NLRP9: variants seen among roughly 807,000 people sequenced by gnomAD.
The protein encoded by NLRP9 is NLR family pyrin domain containing 9.
In NLRP9, 88 loss-of-function variants were observed where a neutral mutation model predicts 83.1. That is an observed-to-expected ratio of 1.06 (90% confidence interval 0.89 to 1.26). NLRP9 has a LOEUF of 1.26. NLRP9 is among the 50% of genes most tolerant of loss of function. The probability of loss-of-function intolerance (pLI) is 0.00; values close to 1 mark genes in which losing one functional copy is unlikely to be tolerated. For synonymous variants in NLRP9, 521 were observed against 447.6 expected (o/e 1.16, Z -2.07); for missense variants, 1,308 against 1,179.3 (o/e 1.11, Z -1.60).
Position 55,733,498 on chromosome 19 carries a change from C to CCATATGAGT in NLRP9, c.324_332dup (p.Ile110_Trp111insTer). ...GGACGTGAAGACAGGTTTCCTTCTC[C>CCATATGAGT]CATATGAGTTGAAATGTTTCCTTCA... On this transcript the variant is annotated stop_gained, in exon 2 of 9. Transcript: ENST00000332836. LOFTEE classifies it high-confidence loss of function. The CCATATGAGT allele has an allele frequency of 1.2e-6, 2 of 1,610,952 alleles. No individual in the cohort carries two copies.
intron 8 of NLRP9, among the ~76,000 whole-genome samples, chr19:55,711,174 T>TAC (rs1987704084): frequency 6.6e-6 from 1 of 152,090 alleles, no homozygotes; most frequent in Admixed American, 6.6e-5. Flanking sequence ...TGAATTCATG[T>TAC]ACTCATCACC....
intron 8 of NLRP9, among the ~76,000 whole-genome samples, chr19:55,710,170 A>G (rs1987651569): frequency 6.6e-6 from 1 of 152,130 alleles, no homozygotes; most frequent in Admixed American, 6.6e-5. Context: ...TACTGTGGAG[A>G]TGACATGTTT....
Position 55,712,605 on chromosome 19 carries a change from G to C in NLRP9, c.2502-15C>G. 1 of 1,610,104 alleles carries C rather than the reference G, an allele frequency of 6.2e-7. No homozygotes were observed. Among genetic ancestry groups the C allele is most frequent in the South Asian group, 1.1e-5 (1 of 90,948 alleles). ...AGCCCATCAACCTGGGGAGGTGGAA[G>C]ACACACAAATACGTACACTTATGAG... On this transcript the variant is annotated splice_polypyrimidine_tract_variant and intron_variant, in intron 6 of 8. Coordinates refer to ENST00000332836, the MANE Select transcript of NLRP9 (RefSeq NM_176820.4).
In NLRP9 at chr19:55,724,240, C is replaced by T. The variant is rs1050884213; in HGVS notation, c.1995-96G>A. 1.2e-5 allele frequency: 9 copies of T among 766,070 alleles called. No individual in the cohort carries two copies. The Admixed American group carries it at 1.8e-4, about 15-fold the overall frequency. The allele number at this position is 766,070 out of a possible 1,614,324, so 47.5% of individuals were successfully genotyped here. On this transcript the variant is annotated intron_variant, in intron 3 of 8. Transcript: ENST00000332836. ...GATTCTTCCTGCCCTGAATGCTGGG[C>T]CTCACCACACTGTTTCTGGAATTCT...
At chr19:55,716,634 C>G in intron 5 of NLRP9, 94 bp downstream of exon 5, 1 of 1,004,768 alleles carries the variant, frequency 1.0e-6, no homozygotes, top group Admixed American at 1.8e-5. Context: ...CATTCTGCTG[C>G]ACCCCTCAGT....
chr19:55,714,516 TG>T (rs759341393), intron 6 of NLRP9, among the ~76,000 whole-genome samples: 4 of 152,070 alleles, frequency 2.6e-5, no homozygotes, highest in Non-Finnish European at 5.9e-5. Context: ...AGTCCCCTGC[TG>T]TGTCCTTACA....
chr19:55,736,906 C>A (rs1346941573), intron 1 of NLRP9, among the ~76,000 whole-genome samples: 1 of 150,766 alleles, frequency 6.6e-6, no homozygotes, highest in East Asian at 1.9e-4. Context: ...AAATAAAATA[C>A]CCTCAAGCAT....
At chr19:55,716,204 G>T (rs1988002568) in intron 5 of NLRP9, among the ~76,000 whole-genome samples, 2 of 150,250 alleles carry the variant, frequency 1.3e-5, no homozygotes, top group Admixed American at 6.7e-5. Flanking sequence ...GCATATATCA[G>T]AACATCACAC....
chr19:55,718,720 G>A (rs1988118350), intron 4 of NLRP9, among the ~76,000 whole-genome samples: 1 of 152,096 alleles, frequency 6.6e-6, no homozygotes, highest in African/African-American at 2.4e-5. Flanking sequence ...AATACTGAGG[G>A]AACTCAGAGA....
intron 4 of NLRP9, among the ~76,000 whole-genome samples, chr19:55,720,104 C>T (rs952630212): frequency 1.3e-5 from 2 of 152,118 alleles, no homozygotes; most frequent in African/African-American, 4.8e-5. Context: ...CTCAAATACA[C>T]CGTGGTCATC....
rs1260887829 is a variant in NLRP9 at position 55,715,148 on chromosome 19, AG to A, written c.2407del (p.Leu803SerfsTer21). On this transcript the variant is annotated frameshift_variant, in exon 6 of 9. Coordinates refer to ENST00000332836, the MANE Select transcript of NLRP9 (RefSeq NM_176820.4). LOFTEE classifies it high-confidence loss of function. ...CAGGGCATTTGAGCCCAGATCGAGG[AG>A]GGACAGGGACTTACTGCACAAGAGG... ...EVLLCSKSLS[L>X]LDLGSNALED... The A allele has an allele frequency of 1.2e-6, 2 of 1,613,264 alleles. No homozygotes were observed. Among genetic ancestry groups the A allele is most frequent in the African/African-American group, 2.7e-5 (2 of 74,908 alleles).
At chr19:55,713,527 G>A (rs1009433802) in intron 6 of NLRP9, among the ~76,000 whole-genome samples, 2 of 148,504 alleles carry the variant, frequency 1.3e-5, no homozygotes, top group African/African-American at 2.5e-5. Context: ...AGTGTCTGGA[G>A]ACATTTTTGG....
rs542311599 is a variant in NLRP9, at chr19:55,717,021, C to T, written c.2160-123G>A. The T allele has an allele frequency of 1.6e-4, 98 of 610,566 alleles. 1 individual carries two copies. In the South Asian group the frequency reaches 2.1e-3, roughly 13 times the overall value. The allele number at this position is 610,566 out of a possible 1,614,324, so 37.8% of individuals were successfully genotyped here. On this transcript the variant is annotated intron_variant, in intron 4 of 8. Coordinates refer to ENST00000332836, the MANE Select transcript of NLRP9 (RefSeq NM_176820.4). ...ACCTGCCGATCCATTATCTACACTA[C>T]AGACTCTTTTTCTTTTTTTTTTTTT...
rs1600119933 is a variant in NLRP9, at chr19:55,708,737, T to C, written c.*175A>G. On this transcript the variant is annotated 3_prime_UTR_variant, in exon 9 of 9. Transcript: ENST00000332836. ...GGATATAGGACCGAGGCAAAGACAA[T>C]CAGCATGTACACTGAATCACACTCC... 1 of 476,564 alleles carries C rather than the reference T, an allele frequency of 2.1e-6. No homozygotes were observed. Among genetic ancestry groups the C allele is most frequent in the African/African-American group, 2.0e-5 (1 of 50,522 alleles). The allele number at this position is 476,564 out of a possible 1,614,324, so 29.5% of individuals were successfully genotyped here. A position where few individuals can be genotyped will look rare whatever the true frequency, so the allele number is the denominator to read the frequency against.
rs1004805905 is a variant in NLRP9, at chr19:55,716,739, C to T, written c.2319G>A (p.Leu773=). Residue 773 remains leucine (L), a synonymous_variant, in exon 5 of 9, where the codon CTG becomes CTA. Transcript: ENST00000332836. ...GCAGACCAACTTACATCAGCCTCTC[C>T]AGGGCACAGTGTGAGTGCTTCAGGG... ...CEALKHSHCA[L]ERLMLMYCCL... is the part of the protein sequence containing the mutation. 2.5e-6 allele frequency: 4 copies of T among 1,613,636 alleles called. No individual in the cohort carries two copies. The African/African-American group carries it at 5.3e-5, about 22-fold the overall frequency.
At chr19:55,735,748 T>A (rs1988769012) in intron 1 of NLRP9, among the ~76,000 whole-genome samples, 1 of 152,080 alleles carries the variant, frequency 6.6e-6, no homozygotes, top group Non-Finnish European at 1.5e-5. Flanking sequence ...AGTGCAGTGG[T>A]GTGATTGTGG....
At chr19:55,711,099 A>G (rs1428535979) in intron 8 of NLRP9, among the ~76,000 whole-genome samples, 2 of 123,554 alleles carry the variant, frequency 1.6e-5, no homozygotes, top group African/African-American at 7.9e-5. Context: ...AAAACAAAAC[A>G]AAACAAAACA....
intron 3 of NLRP9, among the ~76,000 whole-genome samples, chr19:55,728,314 C>T (rs574837473): frequency 2.0e-5 from 3 of 152,256 alleles, no homozygotes; most frequent in East Asian, 1.9e-4. Context: ...CGGTGGCTCA[C>T]GTCTGTAATC....
chr19:55,729,487 T>C (rs1442212613), intron 3 of NLRP9, among the ~76,000 whole-genome samples: 1 of 152,146 alleles, frequency 6.6e-6, no homozygotes, highest in Non-Finnish European at 1.5e-5. Flanking sequence ...CATGCGTTGT[T>C]TGGTTTTTTG....
Sources: allele counts gnomAD v4.1 joint callset (sites outside exome capture counted in the v4.1 genomes callset), GRCh38; gene constraint gnomAD v4.1.1; transcripts MANE v1.5; gene names NCBI Gene and HGNC (gene_info 2026-07-23, HGNC 2026-07-21).